TMEM179: variants seen among roughly 807,000 people sequenced by gnomAD.
The protein encoded by TMEM179 is transmembrane protein 179A.
TMEM179 carries 17 observed loss-of-function variants against 22.2 expected under a neutral mutation model. The ratio of observed to expected loss-of-function variants is 0.77; its 90% CI spans 0.52 to 1.15. The LOEUF is 1.15. Ranked by LOEUF, TMEM179 falls within the 50% of genes most tolerant of loss-of-function variation. The pLI is 0.00. For missense variants in TMEM179, 265 were observed against 313.6 expected, an observed-to-expected ratio of 0.84 and a Z score of 1.17; for synonymous variants, 127 against 140.5, an observed-to-expected ratio of 0.90 and a Z score of 0.68.
chr14:104,600,629 T>C (rs1232798290), intron 1 of TMEM179, among the ~76,000 whole-genome samples: 1 of 151,974 alleles, frequency 6.6e-6, no homozygotes, highest in African/African-American at 2.4e-5. Flanking sequence ...CATTCATTCA[T>C]TCATTCATTC....
intron 3 of TMEM179, chr14:104,594,188 C>G (rs1886938837): frequency 8.1e-7 from 1 of 1,231,974 alleles, no homozygotes. Context: ...ACACCTTAAT[C>G]CAACTGGCAC....
At position 104,593,261 on chromosome 14, in the gene TMEM179, A is replaced by C; in HGVS notation, c.*218T>G. On this transcript the variant is annotated 3_prime_UTR_variant, in exon 4 of 4. Transcript: ENST00000556573. Reference sequence around the variant, plus strand: ...CGCCCCACACCCATAGTCTCTCTGCACCATCCTCATCAGGGAGCCGGCACC... The same window carrying C: ...CGCCCCACACCCATAGTCTCTCTGCCCCATCCTCATCAGGGAGCCGGCACC... The C allele has an allele frequency of 1.6e-6, 1 of 615,174 alleles. No homozygotes were observed. The allele number at this position is 615,174 out of a possible 1,614,324, so 38.1% of individuals were successfully genotyped here.
intron 1 of TMEM179, among the ~76,000 whole-genome samples, chr14:104,603,600 G>A (rs1275842732): frequency 6.9e-6 from 1 of 145,672 alleles, no homozygotes; most frequent in Non-Finnish European, 1.5e-5. Context: ...AGAGGGGGTG[G>A]GTGGATTCAC....
rs1417680973 is a variant in TMEM179 at position 104,595,318 on chromosome 14, G to A, written c.444-75C>T. 1.2e-4 allele frequency: 177 copies of A among 1,443,284 alleles called. No homozygotes were observed. The highest frequency in any genetic ancestry group is 1.5e-4 in the Non-Finnish European group (153 of 1,051,812). The allele number at this position is 1,443,284 out of a possible 1,614,324, so 89.4% of individuals were successfully genotyped here. ...CGGGACATGGCTGAGCCGCTGGCCA[G>A]AGAGCCAGGAGCTTTGCCCTACAAT... On this transcript the variant is annotated intron_variant, in intron 2 of 3. Coordinates refer to ENST00000556573, the MANE Select transcript of TMEM179 (RefSeq NM_001286389.2). This position sits in a 1 kb window ranked among gnomAD's most constrained non-coding sequence, Gnocchi z 5.7.
At chr14:104,599,377 AC>A (rs772283819) in intron 1 of TMEM179, among the ~76,000 whole-genome samples, 9 of 152,130 alleles carry the variant, frequency 5.9e-5, no homozygotes, top group Non-Finnish European at 1.0e-4. Context: ...ACTGAAAGTC[AC>A]TGCTCCTCTC....
At position 104,604,437 on chromosome 14, in the gene TMEM179, C is replaced by A. The variant is rs1887349317; in HGVS notation, c.305G>T (p.Gly102Val). 1 of 1,560,358 alleles carries A rather than the reference C, an allele frequency of 6.4e-7. No individual in the cohort carries two copies. The highest frequency in any genetic ancestry group is 8.6e-7 in the Non-Finnish European group (1 of 1,160,012). ...TLFFLCKGHE[G>V]SFFSAFLNLL... is the part of the protein sequence containing the mutation. ...CGCGCCGGGAGCGGCCCCCACTTAC[C>A]CCTCGTGTCCCTTGCAGAGGAAGAA... The change falls in exon 1 of 4, where the codon GGC becomes GTC. Residue 102 changes from glycine to valine, a missense_variant and splice_region_variant. Physicochemically the swap from Gly to Val is moderately radical, Grantham distance 109 (BLOSUM62 -3). Transcript: ENST00000556573. This position sits in a 1 kb window ranked among gnomAD's most constrained non-coding sequence, Gnocchi z 4.6.
rs187303015 is a variant in TMEM179, at chr14:104,600,273, G to A, written c.306-3146C>T. 3.7e-4 allele frequency among the ~76,000 whole-genome samples: 56 copies of A among 152,354 alleles called. No homozygotes were observed. The East Asian group carries it at 9.8e-3, about 27-fold the overall frequency. On this transcript the variant is annotated intron_variant, in intron 1 of 3. Transcript: ENST00000556573. ...CAGGCCAGGACAGTGGTCAGGAACA[G>A]GAGCCCGGCACATGCAGGGTTAACC...
chr14:104,598,939 G>C (rs1397661246), intron 1 of TMEM179, among the ~76,000 whole-genome samples: 1 of 152,222 alleles, frequency 6.6e-6, no homozygotes, highest in African/African-American at 2.4e-5. Context: ...CGCGTGGGGG[G>C]TGACCGAGCC....
Position 104,596,987 on chromosome 14 carries a change from C to T in TMEM179, c.443+3G>A. 6 of 1,600,068 alleles carry T rather than the reference C, an allele frequency of 3.7e-6. No individual in the cohort carries two copies. Among genetic ancestry groups the T allele is most frequent in the Non-Finnish European group, 5.1e-6 (6 of 1,177,046 alleles). ...GAGGCCGAGGCGGGTGGGGCGGGCG[C>T]ACCTGTGGGGTACGGTGCCCTTCTC... is the stretch of plus-strand genomic sequence containing the variant. On this transcript the variant is annotated splice_donor_region_variant and intron_variant, in intron 2 of 3. Transcript: ENST00000556573.
At chr14:104,598,763 G>C (rs904877626) in intron 1 of TMEM179, among the ~76,000 whole-genome samples, 1 of 152,208 alleles carries the variant, frequency 6.6e-6, no homozygotes, top group African/African-American at 2.4e-5. Context: ...CACTGTTTTG[G>C]TGACTGCTGG....
chr14:104,591,367 C>T lies in TMEM179; in HGVS notation c.*2112G>A, dbSNP rs1886838444. 1 of 455,882 alleles carries T rather than the reference C, an allele frequency of 2.2e-6. No individual in the cohort carries two copies. Among genetic ancestry groups the T allele is most frequent in the South Asian group, 1.5e-5 (1 of 64,568 alleles). 28.2% of individuals were successfully genotyped at this position (455,882 alleles called of 1,614,324 possible). A position where few individuals can be genotyped will look rare whatever the true frequency, so the allele number is the denominator to read the frequency against. Reference sequence around the variant, plus strand: ...GATCAGGGCTGGGCAGAGGGTGAGGCAGGAGCCACCCCACCTTCTGCTGGG... The same window carrying T: ...GATCAGGGCTGGGCAGAGGGTGAGGTAGGAGCCACCCCACCTTCTGCTGGG... On this transcript the variant is annotated 3_prime_UTR_variant, in exon 4 of 4. Transcript: ENST00000556573.
chr14:104,593,865 C>G (rs1464074924), intron 3 of TMEM179, among the ~76,000 whole-genome samples: 2 of 152,232 alleles, frequency 1.3e-5, no homozygotes, highest in Admixed American at 1.3e-4. Context: ...GCATCGTTTT[C>G]CAGCACCTGT....
In TMEM179 at chr14:104,604,499, A is replaced by G; in HGVS notation, c.243T>C (p.Ser81=). Residue 81 remains serine (S), a synonymous_variant, in exon 1 of 4, where the codon TCT becomes TCC. Transcript: ENST00000556573. This position sits in a 1 kb window ranked among gnomAD's most constrained non-coding sequence, Gnocchi z 4.6. ...CRFSLLASLL[S]LLLAAAHAWR... is the part of the protein sequence containing the mutation. ...AGGCGTGCGCGGCGGCCAGCAGCAG[A>G]GACAGGAGGCTGGCGAGCAGGCTGA... The G allele has an allele frequency of 6.3e-7, 1 of 1,576,752 alleles. No individual in the cohort carries two copies. The highest frequency in any genetic ancestry group is 1.2e-5 in the South Asian group (1 of 86,840).
rs1238298478 is a variant in TMEM179, at chr14:104,593,542, C to T, written c.639G>A (p.Glu213=). The T allele has an allele frequency of 6.5e-7, 1 of 1,535,216 alleles. No individual in the cohort carries two copies. The highest frequency in any genetic ancestry group is 2.0e-5 in the Admixed American group (1 of 50,958). The part of the protein sequence containing the change: ...DLLDSLIHEK[E]LLLARPSPRT... Reference sequence around the variant, plus strand: ...GTGGGGACGGCCGGGCCAGCAGCAGCTCCTTCTCGTGGATCAGGCTGTCCA... The same window carrying T: ...GTGGGGACGGCCGGGCCAGCAGCAGTTCCTTCTCGTGGATCAGGCTGTCCA... Residue 213 remains glutamate (E), a synonymous_variant, in exon 4 of 4, where the codon GAG becomes GAA. Transcript: ENST00000556573.
rs1354831622 is a variant in TMEM179 at position 104,594,315 on chromosome 14, C to T, written c.523-657G>A. 7.3e-6 allele frequency: 9 copies of T among 1,231,304 alleles called. No individual in the cohort carries two copies. The East Asian group carries it at 2.8e-4, about 39-fold the overall frequency. The allele number at this position is 1,231,304 out of a possible 1,614,324, so 76.3% of individuals were successfully genotyped here. A position where few individuals can be genotyped will look rare whatever the true frequency, so the allele number is the denominator to read the frequency against. On this transcript the variant is annotated intron_variant, in intron 3 of 3. Transcript: ENST00000556573. ...ACCCATGTCCAGCACCCTTGGAGGG[C>T]TCCTGGCCAGGAGAAGCGTCCTCAG...
rs538226676 is a variant in TMEM179, at chr14:104,595,929, G to T, written c.444-686C>A. ...GCGGCCCCAAATCCCTGGAGGGGCT[G>T]AAGGGCTGGAAACAGTGTCTGTGAG... On this transcript the variant is annotated intron_variant, in intron 2 of 3. Transcript: ENST00000556573. This position sits in a 1 kb window ranked among gnomAD's most constrained non-coding sequence, Gnocchi z 5.7. Among the ~76,000 whole-genome samples the T allele has an allele frequency of 3.3e-4, 51 of 152,276 alleles. No homozygotes were observed. The highest frequency in any genetic ancestry group is 6.2e-4 in the Non-Finnish European group (42 of 68,046).
chr14:104,593,619 T>C lies in TMEM179; in HGVS notation c.562A>G (p.Thr188Ala). 6.7e-7 allele frequency: 1 copy of C among 1,495,928 alleles called. No individual in the cohort carries two copies. Among genetic ancestry groups the C allele is most frequent in the Non-Finnish European group, 8.9e-7 (1 of 1,123,224 alleles). The allele number at this position is 1,495,928 out of a possible 1,614,324, so 92.7% of individuals were successfully genotyped here. The change falls in exon 4 of 4, where the codon ACC becomes GCC. Residue 188 changes from threonine (T) to alanine (A), a missense_variant. Coordinates refer to ENST00000556573, the MANE Select transcript of TMEM179 (RefSeq NM_001286389.2). ...TAGACCTTCAGGAAGGCCAGCGTGGTGATGGCCAGCCAGGCCAGCCATGAG... is the reference window on the plus strand; with the variant it reads ...TAGACCTTCAGGAAGGCCAGCGTGGCGATGGCCAGCCAGGCCAGCCATGAG... Reference protein sequence around the residue: ...WASWLAWLAITTLAFLKVYHN... With the variant: ...WASWLAWLAIATLAFLKVYHN...
chr14:104,604,480 G>C lies in TMEM179; in HGVS notation c.262C>G (p.His88Asp). 6.3e-7 allele frequency: 1 copy of C among 1,582,196 alleles called. No homozygotes were observed. ...SLLSLLLAAA[H>D]AWRTLFFLCK... is the part of the protein sequence containing the mutation. ...AGGAAGAAGAGCGTGCGCCAGGCGT[G>C]CGCGGCGGCCAGCAGCAGAGACAGG... The change falls in exon 1 of 4, where the codon CAC becomes GAC. Residue 88 changes from histidine to aspartate, a missense_variant. His to Asp is a moderately conservative substitution (Grantham distance 81). Transcript: ENST00000556573. The surrounding 1 kb of genome is among the most constrained non-coding windows in gnomAD (Gnocchi z 4.6).
At position 104,591,239 on chromosome 14, in the gene TMEM179, A is replaced by G; in HGVS notation, c.*2240T>C. The G allele has an allele frequency of 2.6e-6, 1 of 381,808 alleles. No homozygotes were observed. The highest frequency in any genetic ancestry group is 5.1e-6 in the Non-Finnish European group (1 of 195,044). The allele number at this position is 381,808 out of a possible 1,614,324, so 23.7% of individuals were successfully genotyped here. ...TCCACACCTGCTCCTGGGATCCAGC[A>G]GTGCAGCCCCCAAGAACAGACCCAA... On this transcript the variant is annotated 3_prime_UTR_variant, in exon 4 of 4. Coordinates refer to ENST00000556573, the MANE Select transcript of TMEM179 (RefSeq NM_001286389.2).
Sources: allele counts gnomAD v4.1 joint callset (sites outside exome capture counted in the v4.1 genomes callset), GRCh38; gene constraint gnomAD v4.1.1; non-coding constraint Gnocchi (gnomAD v3.1); transcripts MANE v1.5; gene names NCBI Gene and HGNC (gene_info 2026-07-23, HGNC 2026-07-21).